NCOA7: variants seen among roughly 807,000 people sequenced by gnomAD.
NCOA7 encodes 140 kDa estrogen receptor-associated protein.
Under a neutral mutation model 104.3 loss-of-function variants are expected in NCOA7, and 45 were observed. That is an observed-to-expected ratio of 0.43 (90% confidence interval 0.34 to 0.55). NCOA7 has a LOEUF of 0.55. Among genes scored for constraint, NCOA7 ranks in the 20% least tolerant of loss-of-function variants. The probability of loss-of-function intolerance (pLI) is 0.02; values close to 1 mark genes in which losing one functional copy is unlikely to be tolerated. For missense variants in NCOA7, 1,041 were observed against 1,119.7 expected (o/e 0.93, Z 1.00); for synonymous variants, 398 against 402.3 (o/e 0.99, Z 0.13).
intron 1 of NCOA7, among the ~76,000 whole-genome samples, chr6:125,785,391 A>G (rs1373806024): frequency 3.3e-5 from 5 of 152,206 alleles, no homozygotes; most frequent in African/African-American, 7.2e-5. Flanking sequence ...ACCAATGTCA[A>G]TTTCCTAGTT....
chr6:125,920,175 CTA>C (rs1787445924), intron 11 of NCOA7, among the ~76,000 whole-genome samples: 1 of 152,212 alleles, frequency 6.6e-6, no homozygotes, highest in African/African-American at 2.4e-5. Flanking sequence ...GAAGGGGAGA[CTA>C]TTTTTATCAT....
chr6:125,870,904 A>G (rs1180412188), intron 3 of NCOA7, among the ~76,000 whole-genome samples: 1 of 151,858 alleles, frequency 6.6e-6, no homozygotes, highest in South Asian at 2.1e-4. Context: ...TCCAGCTCTT[A>G]CCTCCAGGAT....
At chr6:125,810,400 T>C (rs1379913481) in intron 1 of NCOA7, 1 of 152,244 alleles carries the variant, frequency 6.6e-6, no homozygotes, top group Non-Finnish European at 1.5e-5. Flanking sequence ...GATTTAAGTT[T>C]AATTGACTAT....
At chr6:125,787,575 A>C (rs958364101), upstream of NCOA7, among the ~76,000 whole-genome samples, 15 of 152,168 alleles carry the variant, frequency 9.9e-5, no homozygotes, top group Non-Finnish European at 1.9e-4. Context: ...CATCATACAA[A>C]GGTTGTTTAT....
intron 2 of NCOA7, among the ~76,000 whole-genome samples, chr6:125,840,872 T>G (rs1239179927): frequency 3.2e-4 from 4 of 12,340 alleles, no homozygotes; most frequent in Non-Finnish European, 7.4e-4. Flanking sequence ...TGGTTGGTTT[T>G]TTTTTTTTTT....
chr6:125,897,269 C>G (rs1785106048), intron 10 of NCOA7, among the ~76,000 whole-genome samples: 1 of 152,192 alleles, frequency 6.6e-6, no homozygotes, highest in Non-Finnish European at 1.5e-5. Context: ...ACCAAGAGCT[C>G]AAGGCCCCTT....
At chr6:125,919,747 C>T (rs925806004) in intron 11 of NCOA7, among the ~76,000 whole-genome samples, 3 of 152,086 alleles carry the variant, frequency 2.0e-5, no homozygotes, top group African/African-American at 7.2e-5. Context: ...GTTTTCACTA[C>T]GGAAACACTC....
In NCOA7 at chr6:125,888,968, A is replaced by G. The variant is rs764078671; in HGVS notation, c.914A>G (p.Tyr305Cys). The change falls in exon 9 of 16, where the codon TAC (tyrosine) becomes TGC (cysteine). Residue 305 changes from tyrosine to cysteine, a missense_variant. Around this residue, in one of 2 missense-constraint regions of NCOA7, gnomAD observed 914 missense variants for 942.7 expected, o/e 0.97. Coordinates refer to ENST00000392477, the MANE Select transcript of NCOA7 (RefSeq NM_181782.5). ...SDLPQDLCPL[Y>C]RPGEWEDLAS... ...CTACCTCAGGATCTTTGTCCTCTGT[A>G]CAGGCCTGGAGAATGGGAAGACCTG... The G allele has an allele frequency of 7.5e-6, 12 of 1,602,066 alleles. No homozygotes were observed. The highest frequency in any genetic ancestry group is 1.0e-5 in the Non-Finnish European group (12 of 1,169,782).
intron 10 of NCOA7, among the ~76,000 whole-genome samples, chr6:125,914,612 A>G (rs911196697): frequency 1.3e-5 from 2 of 152,212 alleles, no homozygotes; most frequent in Non-Finnish European, 2.9e-5. Flanking sequence ...GATTATATTC[A>G]TTGCCCTTTC....
chr6:125,887,324 G>A (rs1784335271), intron 8 of NCOA7, among the ~76,000 whole-genome samples: 1 of 152,100 alleles, frequency 6.6e-6, no homozygotes, highest in African/African-American at 2.4e-5. Flanking sequence ...GTTCCAATAG[G>A]GAGATTATGC....
Position 125,929,085 on chromosome 6 carries a change from C to T in NCOA7, c.*314C>T, listed in dbSNP as rs1788297582. 4.9e-6 allele frequency: 1 copy of T among 202,554 alleles called. No individual in the cohort carries two copies. Among genetic ancestry groups the T allele is most frequent in the South Asian group, 1.6e-4 (1 of 6,352 alleles). 12.5% of individuals were successfully genotyped at this position (202,554 alleles called of 1,614,324 possible). ...TGAATGCAATTTTTATTTTTGGTAA[C>T]TGTGAAAAATAAGATACTGTGGATA... On this transcript the variant is annotated 3_prime_UTR_variant, in exon 16 of 16. Transcript: ENST00000392477.
At chr6:125,914,710 G>A (rs1374091806) in intron 10 of NCOA7, among the ~76,000 whole-genome samples, 2 of 152,118 alleles carry the variant, frequency 1.3e-5, no homozygotes, top group African/African-American at 4.8e-5. Context: ...CAGGAACTAG[G>A]CATATTTCTA....
rs138944260 is a variant in NCOA7, at chr6:125,805,170, A to T, written c.-64-10121A>T. On this transcript the variant is annotated intron_variant, in intron 1 of 15. Coordinates refer to ENST00000392477, the MANE Select transcript of NCOA7 (RefSeq NM_181782.5). ...GAATGCAATGGCACGATCTCGGCTC[A>T]TTGCAACCTGTGCTTCCCAGGTTCA... is the stretch of plus-strand genomic sequence containing the variant. 3.1e-3 allele frequency among the ~76,000 whole-genome samples: 425 copies of T among 135,702 alleles called. 2 individuals carry two copies. Among genetic ancestry groups the T allele is most frequent in the African/African-American group, 0.011 (395 of 35,552 alleles). The allele number at this position is 135,702 out of a possible 152,430, so 89.0% of individuals were successfully genotyped here.
chr6:125,860,434 G>C (rs1781945144), intron 3 of NCOA7, among the ~76,000 whole-genome samples: 1 of 152,266 alleles, frequency 6.6e-6, no homozygotes, highest in East Asian at 1.9e-4. Flanking sequence ...TGCAACCTCT[G>C]CCTCCCAGGT....
At chr6:125,878,622 AC>A (rs1216360134) in intron 5 of NCOA7, among the ~76,000 whole-genome samples, 1 of 151,924 alleles carries the variant, frequency 6.6e-6, no homozygotes, top group Non-Finnish European at 1.5e-5. Context: ...CAATCCTCCC[AC>A]CTCAGCCTCC....
Position 125,915,392 on chromosome 6 carries a change from C to T in NCOA7, c.2156C>T (p.Ala719Val). 1 of 1,613,800 alleles carries T rather than the reference C, an allele frequency of 6.2e-7. No individual in the cohort carries two copies. The highest frequency in any genetic ancestry group is 8.5e-7 in the Non-Finnish European group (1 of 1,179,820). Residue 719 changes from alanine (A) to valine (V), a missense_variant, in exon 11 of 16, where the codon GCC becomes GTC. Transcript: ENST00000392477. Reference sequence around the variant, plus strand: ...TCTCCCGATGTCTATGGAAAAGATGCCAAAGAGCAAGGCTTTGTGGTGGTG... The same window carrying T: ...TCTCCCGATGTCTATGGAAAAGATGTCAAAGAGCAAGGCTTTGTGGTGGTG... The part of the protein sequence containing the change: ...QWSPDVYGKD[A>V]KEQGFVVVEK...
chr6:125,795,288 G>T (rs1775213385), intron 1 of NCOA7, among the ~76,000 whole-genome samples: 1 of 152,098 alleles, frequency 6.6e-6, no homozygotes, highest in South Asian at 2.1e-4. Flanking sequence ...GACCTAGGCA[G>T]GTTTTTACAT....
chr6:125,866,598 G>C (rs895128113), intron 3 of NCOA7, among the ~76,000 whole-genome samples: 2 of 152,140 alleles, frequency 1.3e-5, no homozygotes, highest in Non-Finnish European at 2.9e-5. Flanking sequence ...CTGTCTTTAA[G>C]TTACTTCCCC....
At chr6:125,821,737 G>A (rs1778205015) in intron 2 of NCOA7, among the ~76,000 whole-genome samples, 1 of 152,174 alleles carries the variant, frequency 6.6e-6, no homozygotes, top group South Asian at 2.1e-4. Flanking sequence ...TACTTCACCT[G>A]TGTAAGTCAG....
Sources: allele counts gnomAD v4.1 joint callset (sites outside exome capture counted in the v4.1 genomes callset), GRCh38; gene constraint gnomAD v4.1.1; regional missense constraint gnomAD v4.1.1; transcripts MANE v1.5; gene names NCBI Gene and HGNC (gene_info 2026-07-23, HGNC 2026-07-21).